APP: variants seen among roughly 807,000 people sequenced by gnomAD.
The protein encoded by APP is amyloid-beta precursor protein.
APP carries 31 observed loss-of-function variants against 101.4 expected under a neutral mutation model. That is an observed-to-expected ratio of 0.31 (90% confidence interval 0.23 to 0.41). APP has a LOEUF of 0.41. Among genes scored for constraint, APP ranks in the 10% least tolerant of loss-of-function variants. The pLI, the probability that APP is intolerant of heterozygous loss-of-function variation, is 1.00. For missense variants in APP, 839 were observed against 1,003.7 expected (o/e 0.84, Z 2.22); for synonymous variants, 366 against 364.4 (o/e 1.00, Z -0.05).
intron 3 of APP, among the ~76,000 whole-genome samples, chr21:26,054,640 T>G (rs1230164626): frequency 2.1e-5 from 3 of 142,344 alleles, no homozygotes; most frequent in Admixed American, 7.1e-5. Context: ...TTTTTTTTTT[T>G]TTTTTAAGAT....
intron 8 of APP, 109 bp from the exon 9 acceptor site, chr21:25,982,586 T>G: frequency 9.0e-7 from 1 of 1,109,372 alleles, no homozygotes; most frequent in Non-Finnish European, 1.3e-6. Flanking sequence ...GAACAGAGAA[T>G]TTAGTAAAGC....
At position 25,899,783 on chromosome 21, in the gene APP, C is replaced by A. The variant is rs116587910; in HGVS notation, c.1964-2110G>T. On this transcript the variant is annotated intron_variant, in intron 15 of 17. Coordinates refer to ENST00000346798, the MANE Select transcript of APP (RefSeq NM_000484.4). ...GTTGTTTTAAGCTGCTAAATTCTCG[C>A]GTTATTTGCTACGTAGCAATAGGTA... Among the ~76,000 whole-genome samples, 482 of 152,274 alleles carry A rather than the reference C, an allele frequency of 3.2e-3. 5 individuals are homozygous for A. Among genetic ancestry groups the A allele is most frequent in the African/African-American group, 0.011 (440 of 41,556 alleles).
rs1046568428 is a variant in APP at position 25,881,186 on chromosome 21, A to G, written c.*484T>C. 1 of 197,304 alleles carries G rather than the reference A, an allele frequency of 5.1e-6. No homozygotes were observed. Among genetic ancestry groups the G allele is most frequent in the Admixed American group, 5.3e-5 (1 of 18,788 alleles). 12.2% of individuals were successfully genotyped at this position (197,304 alleles called of 1,614,324 possible). A position where few individuals can be genotyped will look rare whatever the true frequency, so the allele number is the denominator to read the frequency against. On this transcript the variant is annotated 3_prime_UTR_variant, in exon 18 of 18. Coordinates refer to ENST00000346798, the MANE Select transcript of APP (RefSeq NM_000484.4). ...TCTCTCTAAAGCATCTGAAATACTT[A>G]AAAATGTTTAACTTTAAAATGCATA...
At position 25,954,593 on chromosome 21, in the gene APP, C is replaced by T. The variant is rs199586073; in HGVS notation, c.1684G>A (p.Val562Ile). ...ATCAAAAGAACAGCTTACTTACCAA[C>T]TTCATCCTGAATCTCCTCGGCCACT... ...PAVAEEIQDEVDELLQKEQNY... is the reference protein window; with the variant it reads ...PAVAEEIQDEIDELLQKEQNY... The change falls in exon 13 of 18, where the codon GTT (valine) becomes ATT (isoleucine). Residue 562 changes from valine to isoleucine, a missense_variant. Transcript: ENST00000346798. The T allele has an allele frequency of 1.8e-5, 29 of 1,612,778 alleles. No homozygotes were observed. The highest frequency in any genetic ancestry group is 2.1e-5 in the Non-Finnish European group (25 of 1,178,892).
At chr21:26,126,122 C>T (rs749014465) in intron 1 of APP, among the ~76,000 whole-genome samples, 5 of 152,148 alleles carry the variant, frequency 3.3e-5, no homozygotes, top group African/African-American at 1.2e-4. Flanking sequence ...TTTACATAAG[C>T]ACAAAAATTT....
Position 25,892,046 on chromosome 21 carries a change from T to TAA in APP, c.2065-180_2065-179dup, listed in dbSNP as rs10547971. ...TTGGTCAAATATTTGATGCTTACTT[T>TAA]AAAAAAAAAAAAAAAAAAAGAAATC... is the stretch of plus-strand genomic sequence containing the variant. On this transcript the variant is annotated intron_variant, in intron 16 of 17. Coordinates refer to ENST00000346798, the MANE Select transcript of APP (RefSeq NM_000484.4). Among the ~76,000 whole-genome samples, 61 of 138,846 alleles carry TAA rather than the reference T, an allele frequency of 4.4e-4. No individual in the cohort carries two copies. In the East Asian group the frequency reaches 6.9e-3, roughly 16 times the overall value. The allele number at this position is 138,846 out of a possible 152,430, so 91.1% of individuals were successfully genotyped here.
chr21:26,059,978 G>T (rs1258845666), intron 3 of APP, among the ~76,000 whole-genome samples: 1 of 149,030 alleles, frequency 6.7e-6, no homozygotes, highest in African/African-American at 2.5e-5. Flanking sequence ...GAGAGTAAAT[G>T]GCAGAACTGG....
rs754736666 is a variant in APP at position 26,089,943 on chromosome 21, C to A, written c.355G>T (p.Val119Phe). ...CCAGCCCCACGGCCGGCCGGCTCAC[C>A]TAAGCAGCGGTAGGGAATCACAAAG... Reference protein sequence around the residue: ...PHFVIPYRCLVGEFVSDALLV... With the variant: ...PHFVIPYRCLFGEFVSDALLV... The change falls in exon 3 of 18, where the codon GTT becomes TTT. Residue 119 changes from valine (V) to phenylalanine (F), a missense_variant and splice_region_variant. Coordinates refer to ENST00000346798, the MANE Select transcript of APP (RefSeq NM_000484.4). 1.2e-6 allele frequency: 2 copies of A among 1,614,082 alleles called. No individual in the cohort carries two copies. The highest frequency in any genetic ancestry group is 2.2e-5 in the South Asian group (2 of 91,078).
chr21:25,993,976 C>A (rs867829815), intron 8 of APP, among the ~76,000 whole-genome samples: 20 of 152,126 alleles, frequency 1.3e-4, no homozygotes, highest in Non-Finnish European at 1.9e-4. Flanking sequence ...CACATGTCAG[C>A]GCAAATGAAG....
intron 17 of APP, among the ~76,000 whole-genome samples, chr21:25,887,540 A>AAAAAAAAC (rs367900945): frequency 2.9e-5 from 4 of 139,270 alleles, no homozygotes; most frequent in East Asian, 2.0e-4. Context: ...AAAAAAAAAA[A>AAAAAAAAC]CAACAACTAG....
chr21:26,044,846 G>A (rs2045536600), intron 5 of APP, among the ~76,000 whole-genome samples: 1 of 152,126 alleles, frequency 6.6e-6, no homozygotes, highest in Non-Finnish European at 1.5e-5. Flanking sequence ...GCTGAGCAAT[G>A]TATTTCTAAG....
At chr21:26,110,300 G>T (rs2062283483) in intron 2 of APP, among the ~76,000 whole-genome samples, 1 of 152,076 alleles carries the variant, frequency 6.6e-6, no homozygotes, top group Non-Finnish European at 1.5e-5. Flanking sequence ...AAAAAATTTA[G>T]CTGGGCGTGG....
At chr21:25,922,593 CAGAG>C (rs1394520210) in intron 13 of APP, among the ~76,000 whole-genome samples, 3 of 6,464 alleles carry the variant, frequency 4.6e-4, no homozygotes, top group Non-Finnish European at 5.7e-4. Flanking sequence ...AACAGACAAA[CAGAG>C]AGCCAAATCA....
intron 5 of APP, among the ~76,000 whole-genome samples, chr21:26,036,751 T>G (rs563328280): frequency 1.3e-5 from 2 of 152,272 alleles, no homozygotes; most frequent in South Asian, 4.1e-4. Flanking sequence ...TCTGTTCTAG[T>G]ACAACCATTT....
At chr21:25,930,209 G>A (rs1475982081) in intron 13 of APP, among the ~76,000 whole-genome samples, 5 of 152,112 alleles carry the variant, frequency 3.3e-5, no homozygotes, top group African/African-American at 4.8e-5. Flanking sequence ...TCAGTGAGTC[G>A]TGTCCCTAAA....
intron 13 of APP, among the ~76,000 whole-genome samples, chr21:25,920,767 A>T (rs1299327231): frequency 7.0e-6 from 1 of 142,738 alleles, no homozygotes; most frequent in Non-Finnish European, 1.5e-5. Flanking sequence ...AGACTCCCAC[A>T]CATTAATAAT....
At chr21:25,945,350 A>C (rs1428552964) in intron 13 of APP, among the ~76,000 whole-genome samples, 1 of 144,844 alleles carries the variant, frequency 6.9e-6, no homozygotes, top group African/African-American at 2.6e-5. Flanking sequence ...ATATTCCCCA[A>C]AATGATCTAC....
intron 5 of APP, among the ~76,000 whole-genome samples, chr21:26,034,710 T>G (rs920832741): frequency 5.3e-5 from 8 of 150,426 alleles, no homozygotes; most frequent in African/African-American, 2.0e-4. Context: ...ATTTGATAAA[T>G]CTATTATTGA....
At chr21:26,064,218 CA>C (rs779173259) in intron 3 of APP, among the ~76,000 whole-genome samples, 5 of 152,080 alleles carry the variant, frequency 3.3e-5, no homozygotes, top group East Asian at 3.9e-4. Context: ...GGACATTAGA[CA>C]AAAACTAAGG....
Sources: allele counts gnomAD v4.1 joint callset (sites outside exome capture counted in the v4.1 genomes callset), GRCh38; gene constraint gnomAD v4.1.1; transcripts MANE v1.5; gene names NCBI Gene and HGNC (gene_info 2026-07-23, HGNC 2026-07-21).